The following EPHA3 variants were observed in gnomAD, a reference collection of about 807,000 sequenced individuals.
EPHA3 encodes ephrin type-A receptor 3.
EPHA3 carries 42 observed loss-of-function variants against 107.1 expected under a neutral mutation model. That is an observed-to-expected ratio of 0.39 (90% CI 0.31 to 0.51). EPHA3 has a LOEUF of 0.51. Among genes scored for constraint, EPHA3 ranks in the 20% least tolerant of loss-of-function variants. EPHA3 has a pLI of 0.78. For synonymous variants in EPHA3, 461 were observed against 424.8 expected (o/e 1.09, Z -1.05); for missense variants, 1,183 against 1,211.2 (o/e 0.98, Z 0.35).
At chr3:89,411,747 G>A (rs190872816) in intron 9 of EPHA3, among the ~76,000 whole-genome samples, 1 of 151,826 alleles carries the variant, frequency 6.6e-6, no homozygotes, top group Admixed American at 6.6e-5. Context: ...AATGTTCATT[G>A]TACTGAGGCT....
At chr3:89,240,655 T>A (rs1704873578) in intron 3 of EPHA3, among the ~76,000 whole-genome samples, 1 of 151,982 alleles carries the variant, frequency 6.6e-6, no homozygotes, top group Admixed American at 6.6e-5. Context: ...TAATAAAAAT[T>A]CAGAATATTT....
In EPHA3 at chr3:89,209,950, C is replaced by A. The variant is rs1213239892; in HGVS notation, c.244C>A (p.Leu82Met). 1 of 1,613,858 alleles carries A rather than the reference C, an allele frequency of 6.2e-7. No individual in the cohort carries two copies. Among genetic ancestry groups the A allele is most frequent in the East Asian group, 2.2e-5 (1 of 44,860 alleles). ...NVMDHSQNNW[L>M]RTNWVPRNSA... Reference sequence around the variant, plus strand: ...CATGGACCACAGTCAAAACAATTGGCTGAGAACAAACTGGGTCCCCAGGAA... The same window carrying A: ...CATGGACCACAGTCAAAACAATTGGATGAGAACAAACTGGGTCCCCAGGAA... Residue 82 changes from leucine to methionine, a missense_variant, in exon 3 of 17, where the codon CTG (leucine) becomes ATG (methionine). Physicochemically the swap from Leu to Met is conservative, Grantham distance 15. Coordinates refer to ENST00000336596, the MANE Select transcript of EPHA3 (RefSeq NM_005233.6).
chr3:89,267,036 T>G lies in EPHA3; in HGVS notation c.814+56516T>G, dbSNP rs1370626803. ...TTTCTACCACTTCTCATATTATGCT[T>G]GGATGCATTTTTCCTCAGAGAGCAT... On this transcript the variant is annotated intron_variant, in intron 3 of 16. Coordinates refer to ENST00000336596, the MANE Select transcript of EPHA3 (RefSeq NM_005233.6). Among the ~76,000 whole-genome samples, 5 of 150,520 alleles carry G rather than the reference T, an allele frequency of 3.3e-5. No homozygotes were observed. The East Asian group carries it at 5.8e-4, about 17-fold the overall frequency.
chr3:89,349,976 C>G (rs1243818390), intron 5 of EPHA3, among the ~76,000 whole-genome samples: 1 of 148,108 alleles, frequency 6.8e-6, no homozygotes, highest in Non-Finnish European at 1.5e-5. Context: ...GGGTTTCTGC[C>G]GAGAGATCCG....
At chr3:89,194,684 T>G (rs1486065691) in intron 2 of EPHA3, among the ~76,000 whole-genome samples, 4 of 152,098 alleles carry the variant, frequency 2.6e-5, no homozygotes, top group Admixed American at 6.6e-5. Flanking sequence ...TACATGTATT[T>G]TTTATAGTCA....
At chr3:89,442,679 CAAATGTTTCTCTCAGGT>C (rs1026900586) in intron 13 of EPHA3, among the ~76,000 whole-genome samples, 1 of 152,064 alleles carries the variant, frequency 6.6e-6, no homozygotes, top group Non-Finnish European at 1.5e-5. Context: ...GAGTGGGGAT[CAAATGTTTCTCTCAGGT>C]ACTTTCTATT....
intron 5 of EPHA3, among the ~76,000 whole-genome samples, chr3:89,357,234 T>C (rs1707984920): frequency 6.8e-6 from 1 of 147,862 alleles, no homozygotes; most frequent in African/African-American, 2.5e-5. Context: ...TCATTCTGGA[T>C]AAAGAGTTAG....
At chr3:89,455,068 A>G (rs1481340304) in intron 15 of EPHA3, among the ~76,000 whole-genome samples, 2 of 152,318 alleles carry the variant, frequency 1.3e-5, no homozygotes, top group East Asian at 3.9e-4. Context: ...ATCTTATTCA[A>G]ATAAATTTTA....
At chr3:89,451,459 A>G (rs1559701270) in intron 15 of EPHA3, among the ~76,000 whole-genome samples, 1 of 152,196 alleles carries the variant, frequency 6.6e-6, no homozygotes, top group Non-Finnish European at 1.5e-5. Context: ...GTTCTTTTAC[A>G]TTTTGATAAT....
In EPHA3 at chr3:89,192,795, A is replaced by G. The variant is rs559734272; in HGVS notation, c.154-17065A>G. On this transcript the variant is annotated intron_variant, in intron 2 of 16. Coordinates refer to ENST00000336596, the MANE Select transcript of EPHA3 (RefSeq NM_005233.6). ...AGAAGCTGAAGAATTCTCTGGAGAC[A>G]TGTAATATTAGGCAAATAAAATAAG... is the stretch of plus-strand genomic sequence containing the variant. 3.3e-5 allele frequency among the ~76,000 whole-genome samples: 5 copies of G among 152,196 alleles called. No individual in the cohort carries two copies. In the South Asian group the frequency reaches 1.0e-3, roughly 32 times the overall value.
At chr3:89,325,094 C>T (rs1301119792) in intron 3 of EPHA3, among the ~76,000 whole-genome samples, 1 of 152,106 alleles carries the variant, frequency 6.6e-6, no homozygotes, top group East Asian at 1.9e-4. Context: ...TATTTATCCA[C>T]CACTGATGGG....
At chr3:89,438,568 A>G (rs1576378246) in intron 13 of EPHA3, among the ~76,000 whole-genome samples, 1 of 152,324 alleles carries the variant, frequency 6.6e-6, no homozygotes, top group South Asian at 2.1e-4. Context: ...TCAAGAACCA[A>G]AAAAACCATG....
intron 1 of EPHA3, among the ~76,000 whole-genome samples, chr3:89,117,527 A>G (rs1707285479): frequency 6.6e-6 from 1 of 152,154 alleles, no homozygotes; most frequent in African/African-American, 2.4e-5. Flanking sequence ...AATGTCTTCC[A>G]TGTGGATTAT....
intron 3 of EPHA3, among the ~76,000 whole-genome samples, chr3:89,244,310 C>T (rs1704979794): frequency 6.6e-6 from 1 of 151,696 alleles, no homozygotes; most frequent in African/African-American, 2.4e-5. Flanking sequence ...GTTTATGTTG[C>T]TTATGTGTTT....
At chr3:89,310,511 T>A (rs994384400) in intron 3 of EPHA3, among the ~76,000 whole-genome samples, 1 of 151,954 alleles carries the variant, frequency 6.6e-6, no homozygotes, top group Non-Finnish European at 1.5e-5. Flanking sequence ...CCTTTCTTAT[T>A]GTATACTTAG....
Position 89,480,195 on chromosome 3 carries a change from T to C in EPHA3, c.*693T>C, listed in dbSNP as rs1710597235. 4.3e-6 allele frequency: 1 copy of C among 233,048 alleles called. No individual in the cohort carries two copies. The highest frequency in any genetic ancestry group is 8.5e-6 in the Non-Finnish European group (1 of 117,826). 14.4% of individuals were successfully genotyped at this position (233,048 alleles called of 1,614,324 possible). A position where few individuals can be genotyped will look rare whatever the true frequency, so the allele number is the denominator to read the frequency against. ...CTATTTATGCCTTGATGATTTAATA[T>C]GGATTTGTTACAGCCAAGTGCCAAA... On this transcript the variant is annotated 3_prime_UTR_variant, in exon 17 of 17. Transcript: ENST00000336596.
chr3:89,161,451 A>G (rs1464274539), intron 2 of EPHA3, among the ~76,000 whole-genome samples: 1 of 152,188 alleles, frequency 6.6e-6, no homozygotes, highest in Non-Finnish European at 1.5e-5. Flanking sequence ...ATTATGTCTT[A>G]TAGCTTACTT....
At chr3:89,156,729 G>T (rs1319186215) in intron 2 of EPHA3, among the ~76,000 whole-genome samples, 1 of 151,870 alleles carries the variant, frequency 6.6e-6, no homozygotes, top group Non-Finnish European at 1.5e-5. Context: ...GCTAAAAGAT[G>T]TTTTTAATGC....
At chr3:89,262,958 G>A (rs1190837103) in intron 3 of EPHA3, among the ~76,000 whole-genome samples, 4 of 134,716 alleles carry the variant, frequency 3.0e-5, no homozygotes, top group Admixed American at 2.3e-4. Flanking sequence ...GCATGTTACA[G>A]CGCTCTTTTT....
Sources: allele counts gnomAD v4.1 joint callset (sites outside exome capture counted in the v4.1 genomes callset), GRCh38; gene constraint gnomAD v4.1.1; transcripts MANE v1.5; gene names NCBI Gene and HGNC (gene_info 2026-07-23, HGNC 2026-07-21).